CFAP61: variants seen among roughly 807,000 people sequenced by gnomAD.
CFAP61 encodes cilia- and flagella-associated protein 61.
A neutral mutation model predicts 135.6 loss-of-function variants in CFAP61; 107 were observed. That is an observed-to-expected ratio of 0.79 (90% CI 0.67 to 0.93). The LOEUF is 0.93. Among genes scored for constraint, CFAP61 ranks in the 40% least tolerant of loss-of-function variants. The pLI, the probability that CFAP61 is intolerant of heterozygous loss-of-function variation, is 0.00. For missense variants in CFAP61, 1,507 were observed against 1,556.2 expected, an observed-to-expected ratio of 0.97 and a Z score of 0.53; for synonymous variants, 575 against 578.5, an observed-to-expected ratio of 0.99 and a Z score of 0.09.
chr20:20,132,299 A>C (rs995468056), intron 8 of CFAP61, among the ~76,000 whole-genome samples: 2 of 152,150 alleles, frequency 1.3e-5, no homozygotes, highest in African/African-American at 2.4e-5. Context: ...GTATATATAT[A>C]TATGCCACAT....
At chr20:20,233,781 G>T (rs1461159482) in intron 18 of CFAP61, among the ~76,000 whole-genome samples, 3 of 152,130 alleles carry the variant, frequency 2.0e-5, no homozygotes, top group African/African-American at 7.2e-5. Context: ...ACCCCTGCTC[G>T]TTTCAGTATA....
intron 13 of CFAP61, among the ~76,000 whole-genome samples, chr20:20,173,439 T>G (rs1169562916): frequency 6.6e-6 from 1 of 152,190 alleles, no homozygotes; most frequent in Non-Finnish European, 1.5e-5. Flanking sequence ...TTGCCAGCAT[T>G]TGGTGTCATC....
At chr20:20,148,985 A>C (rs2424282) in intron 9 of CFAP61, among the ~76,000 whole-genome samples, 137,251 of 152,204 alleles carry the variant, frequency 0.9, 62,706 homozygotes, top group Middle Eastern at 0.99. Context: ...AGTGAAGCAA[A>C]AGCTTGGCAG....
At chr20:20,196,823 G>A (rs771610404) in intron 16 of CFAP61, 47 bp downstream of exon 16, 2 of 1,468,972 alleles carry the variant, frequency 1.4e-6, no homozygotes, top group African/African-American at 1.4e-5. Context: ...AACGTTCACA[G>A]TGTTGTTGGT....
intron 21 of CFAP61, among the ~76,000 whole-genome samples, chr20:20,266,305 T>C (rs1228004186): frequency 6.6e-6 from 1 of 152,216 alleles, no homozygotes; most frequent in Non-Finnish European, 1.5e-5. Context: ...TAGTGATCTT[T>C]CCAGAACTGC....
At chr20:20,211,785 G>T (rs370340743) in intron 17 of CFAP61, among the ~76,000 whole-genome samples, 1 of 152,096 alleles carries the variant, frequency 6.6e-6, no homozygotes, top group Non-Finnish European at 1.5e-5. Context: ...TGTAATTGTG[G>T]TTTTTATGGT....
intron 8 of CFAP61, among the ~76,000 whole-genome samples, chr20:20,106,023 TATATATATA>T (rs2048374772): frequency 1.3e-5 from 1 of 75,274 alleles, no homozygotes; most frequent in Non-Finnish European, 2.5e-5. Context: ...TATATATATA[TATATATATA>T]TATATATATA....
chr20:20,201,661 C>T (rs1006752063), intron 17 of CFAP61, among the ~76,000 whole-genome samples: 2 of 152,184 alleles, frequency 1.3e-5, no homozygotes, highest in African/African-American at 2.4e-5. Flanking sequence ...GCTGTCTCCA[C>T]CACTGAAACA....
intron 21 of CFAP61, among the ~76,000 whole-genome samples, chr20:20,272,994 A>C (rs536444556): frequency 6.6e-6 from 1 of 151,938 alleles, no homozygotes; most frequent in East Asian, 1.9e-4. Flanking sequence ...CCCAGAAGTT[A>C]TATCAGCCTC....
chr20:20,249,355 G>T lies in CFAP61; in HGVS notation c.2160-2240G>T, dbSNP rs2050711471. ...GTTGAAGACCAGCCTGGGCAACGTAGGGAGAGTCCCATTTCTACAAAAAAA... is the reference window on the plus strand; with the variant it reads ...GTTGAAGACCAGCCTGGGCAACGTATGGAGAGTCCCATTTCTACAAAAAAA... On this transcript the variant is annotated intron_variant, in intron 19 of 26. Coordinates refer to ENST00000245957, the MANE Select transcript of CFAP61 (RefSeq NM_015585.4). Among the ~76,000 whole-genome samples the T allele has an allele frequency of 2.0e-5, 3 of 151,930 alleles. No individual in the cohort carries two copies. The South Asian group carries it at 6.3e-4, about 32-fold the overall frequency.
At chr20:20,286,570 A>T (rs1262763314) in intron 22 of CFAP61, among the ~76,000 whole-genome samples, 1 of 152,222 alleles carries the variant, frequency 6.6e-6, no homozygotes, top group Non-Finnish European at 1.5e-5. Context: ...TAGTCTTGAA[A>T]TATGTACTCA....
intron 22 of CFAP61, 77 bp from the exon 23 acceptor site, chr20:20,288,532 C>A: frequency 8.7e-7 from 1 of 1,144,676 alleles, no homozygotes; most frequent in Non-Finnish European, 1.3e-6. Flanking sequence ...ATAAAATGCC[C>A]TGGAGACTAG....
rs1239101627 is a variant in CFAP61 at position 20,314,409 on chromosome 20, AT to A, written c.3422+16024del. Reference sequence around the variant, plus strand: ...CCCATCTCAAAAAAAAAAAAAAAAAATCAACATGAGTTTTGTTGGGGAAAAA... The same window carrying A: ...CCCATCTCAAAAAAAAAAAAAAAAAACAACATGAGTTTTGTTGGGGAAAAA... On this transcript the variant is annotated intron_variant, in intron 25 of 26. Coordinates refer to ENST00000245957, the MANE Select transcript of CFAP61 (RefSeq NM_015585.4). Among the ~76,000 whole-genome samples, 585 of 144,498 alleles carry A rather than the reference AT, an allele frequency of 4.0e-3. 21 individuals are homozygous for A. Among genetic ancestry groups the A allele is most frequent in the Admixed American group, 0.024 (335 of 14,116 alleles). 94.8% of individuals were successfully genotyped at this position (144,498 alleles called of 152,430 possible). A position where few individuals can be genotyped will look rare whatever the true frequency, so the allele number is the denominator to read the frequency against.
rs6035611 is a variant in CFAP61, at chr20:20,359,001, G to A, written c.3514-1209G>A. On this transcript the variant is annotated intron_variant, in intron 26 of 26. Coordinates refer to ENST00000245957, the MANE Select transcript of CFAP61 (RefSeq NM_015585.4). This position sits in a 1 kb window ranked among gnomAD's most constrained non-coding sequence, Gnocchi z 4.0. ...GGGATGTGCTTTCTAGAAGTACCCT[G>A]CTCTGGAGGGCAGATATGCAGTGGT... 0.99 allele frequency among the ~76,000 whole-genome samples: 150,420 copies of A among 152,318 alleles called. 74,290 individuals are homozygous for A. Among genetic ancestry groups the A allele is most frequent in the East Asian group, 1 (5,180 of 5,180 alleles).
intron 25 of CFAP61, among the ~76,000 whole-genome samples, chr20:20,318,592 A>G (rs1346683997): frequency 1.3e-5 from 2 of 152,084 alleles, no homozygotes; most frequent in African/African-American, 4.8e-5. Context: ...GCCTCCCCTG[A>G]TGGTGGAAAT....
Position 20,296,125 on chromosome 20 carries a change from T to G in CFAP61, c.3217-2056T>G, listed in dbSNP as rs1299605763. On this transcript the variant is annotated intron_variant, in intron 24 of 26. Coordinates refer to ENST00000245957, the MANE Select transcript of CFAP61 (RefSeq NM_015585.4). ...TCCTTCCCTCCCTCCTTCCCTTCCT[T>G]CCTTCCTTCCTCCCTCCCTCCCTCC... Among the ~76,000 whole-genome samples, 2 of 20,066 alleles carry G rather than the reference T, an allele frequency of 1.0e-4. 1 individual carries two copies. The highest frequency in any genetic ancestry group is 1.3e-3 in the Admixed American group (2 of 1,538). The allele number at this position is 20,066 out of a possible 152,430, so 13.2% of individuals were successfully genotyped here.
intron 26 of CFAP61, among the ~76,000 whole-genome samples, chr20:20,356,484 T>A: frequency 8.1e-6 from 1 of 123,638 alleles, no homozygotes; most frequent in African/African-American, 3.3e-5. Context: ...GGGGAGGTGG[T>A]CACAGTGTGA....
At chr20:20,087,066 A>C (rs1320184718) in intron 6 of CFAP61, among the ~76,000 whole-genome samples, 1 of 152,212 alleles carries the variant, frequency 6.6e-6, no homozygotes, top group African/African-American at 2.4e-5. Flanking sequence ...GGGTGGAAAG[A>C]TGCAGGCAAA....
chr20:20,358,249 C>A (rs1170319295), intron 26 of CFAP61, among the ~76,000 whole-genome samples: 2 of 140,656 alleles, frequency 1.4e-5, no homozygotes, highest in Non-Finnish European at 3.1e-5. Flanking sequence ...AGTGGTCACA[C>A]TGAGGGGAAT....
Sources: allele counts gnomAD v4.1 joint callset (sites outside exome capture counted in the v4.1 genomes callset), GRCh38; gene constraint gnomAD v4.1.1; non-coding constraint Gnocchi (gnomAD v3.1); transcripts MANE v1.5; gene names NCBI Gene and HGNC (gene_info 2026-07-23, HGNC 2026-07-21).